Variants in ACCSL observed in about 807,000 individuals in gnomAD.
The protein encoded by ACCSL is 1-aminocyclopropane-1-carboxylate synthase homolog (inactive) like, also known as probable inactive 1-aminocyclopropane-1-carboxylate synthase-like protein 2.
In ACCSL, 55 loss-of-function variants were observed where a neutral mutation model predicts 61.7. The ratio of observed to expected loss-of-function variants is 0.89; its 90% CI spans 0.72 to 1.12. The LOEUF (loss-of-function observed/expected upper bound fraction) is 1.12. Ranked by LOEUF, ACCSL falls within the 50% of genes most tolerant of loss-of-function variation. The pLI is 0.00. For missense variants in ACCSL, 632 were observed against 698.0 expected (o/e 0.91, Z 1.07); for synonymous variants, 258 against 264.3 (o/e 0.98, Z 0.23).
At chr11:43,934,670 G>A in the ACCSL span, among the ~76,000 whole-genome samples, 51 of 152,248 alleles carry the variant, frequency 3.3e-4, no homozygotes, top group African/African-American at 7.0e-4. Flanking sequence ...AGCTGGCACC[G>A]GGTCTGAGCT....
At chr11:43,973,164 T>G in the ACCSL span, among the ~76,000 whole-genome samples, 1 of 152,196 alleles carries the variant, frequency 6.6e-6, no homozygotes, top group Non-Finnish European at 1.5e-5. Context: ...AACAATGTTT[T>G]AGAGGAAAGA....
the ACCSL span, among the ~76,000 whole-genome samples, chr11:44,033,012 TC>T: frequency 6.6e-6 from 1 of 152,212 alleles, no homozygotes; most frequent in Non-Finnish European, 1.5e-5. Flanking sequence ...TGTATCAGCC[TC>T]AGTCTCAGAA....
At chr11:44,031,605 A>G in the ACCSL span, among the ~76,000 whole-genome samples, 6 of 152,092 alleles carry the variant, frequency 3.9e-5, no homozygotes, top group Non-Finnish European at 7.4e-5. Flanking sequence ...GGGCCTTCAG[A>G]CTGTGTGACC....
At chr11:44,049,293 A>G (rs1230702172) in intron 1 of ACCSL, among the ~76,000 whole-genome samples, 1 of 151,932 alleles carries the variant, frequency 6.6e-6, no homozygotes, top group African/African-American at 2.4e-5. Flanking sequence ...GGTGGCACAC[A>G]CCTATAGTCC....
the ACCSL span, among the ~76,000 whole-genome samples, chr11:43,929,455 TG>T: frequency 6.6e-6 from 1 of 152,096 alleles, no homozygotes; most frequent in East Asian, 1.9e-4. Flanking sequence ...TTGCCCAGAC[TG>T]GAGTGAAGTG....
the ACCSL span, among the ~76,000 whole-genome samples, chr11:44,013,127 G>T: frequency 6.6e-6 from 1 of 152,128 alleles, no homozygotes; most frequent in African/African-American, 2.4e-5. Flanking sequence ...GTCTATATAT[G>T]CATATAAAGA....
the ACCSL span, among the ~76,000 whole-genome samples, chr11:43,983,437 C>T: frequency 2.0e-5 from 3 of 152,272 alleles, no homozygotes; most frequent in African/African-American, 7.2e-5. Context: ...CATGAATGCA[C>T]TTTCTAAGGA....
the ACCSL span, among the ~76,000 whole-genome samples, chr11:43,983,714 A>T: frequency 7.0e-6 from 1 of 141,856 alleles, no homozygotes; most frequent in African/African-American, 2.6e-5. Flanking sequence ...CAGCTCCTCA[A>T]ACCACTGCCT....
upstream of ACCSL, among the ~76,000 whole-genome samples, chr11:44,046,193 T>C (rs918309786): frequency 2.0e-5 from 3 of 152,210 alleles, no homozygotes; most frequent in Non-Finnish European, 4.4e-5. Context: ...GAAGAGACGG[T>C]TTCTCTAGGC....
At chr11:43,924,699 G>T in the ACCSL span, among the ~76,000 whole-genome samples, 1 of 152,228 alleles carries the variant, frequency 6.6e-6, no homozygotes, top group African/African-American at 2.4e-5. Flanking sequence ...GGTCATCGCT[G>T]CCTGAGTCTG....
the ACCSL span, among the ~76,000 whole-genome samples, chr11:44,005,264 CG>C: frequency 2.0e-5 from 3 of 152,146 alleles, no homozygotes; most frequent in Non-Finnish European, 4.4e-5. Context: ...ACCCCCTCCC[CG>C]GATTGGCTGA....
chr11:43,982,375 A>G, the ACCSL span, among the ~76,000 whole-genome samples: 1,499 of 151,734 alleles, frequency 9.9e-3, 25 homozygotes, highest in African/African-American at 0.035. Flanking sequence ...TTACAGGCAC[A>G]TACCCCCATG....
the ACCSL span, among the ~76,000 whole-genome samples, chr11:44,014,181 T>G: frequency 6.6e-6 from 1 of 152,228 alleles, no homozygotes; most frequent in Non-Finnish European, 1.5e-5. Context: ...CCACAAATGC[T>G]TACTTCACTT....
chr11:43,934,707 C>A, the ACCSL span, among the ~76,000 whole-genome samples: 1 of 152,134 alleles, frequency 6.6e-6, no homozygotes, highest in South Asian at 2.1e-4. Context: ...TGGGAAGGGG[C>A]CTGACCTTCC....
the ACCSL span, among the ~76,000 whole-genome samples, chr11:43,948,708 A>G: frequency 6.6e-6 from 1 of 152,074 alleles, no homozygotes; most frequent in African/African-American, 2.4e-5. Flanking sequence ...TCCTGGGCTC[A>G]AGCAACCCTC....
chr11:44,055,257 T>G lies in ACCSL; in HGVS notation c.1105T>G (p.Ser369Ala). ...TTACATGCTGTCTGTGTTTGATGAA[T>G]CCATCACATTCCACAGCATTCTGAG... ...EIYMLSVFDE[S>A]ITFHSILSMK... The change falls in exon 9 of 14, where the codon TCC becomes GCC. Residue 369 changes from serine to alanine, a missense_variant. Transcript: ENST00000378832. The G allele has an allele frequency of 6.2e-7, 1 of 1,612,978 alleles. No individual in the cohort carries two copies. Among genetic ancestry groups the G allele is most frequent in the Non-Finnish European group, 8.5e-7 (1 of 1,179,140 alleles).
chr11:44,001,320 A>G, the ACCSL span, among the ~76,000 whole-genome samples: 1 of 151,802 alleles, frequency 6.6e-6, no homozygotes, highest in African/African-American at 2.4e-5. Context: ...TTCAGGAGCA[A>G]AGCAAGCTGC....
chr11:43,985,368 A>T, the ACCSL span, among the ~76,000 whole-genome samples: 1 of 152,252 alleles, frequency 6.6e-6, no homozygotes, highest in South Asian at 2.1e-4. Flanking sequence ...GACCAAAGAG[A>T]GAGATGGGAG....
Position 44,051,706 on chromosome 11 carries a change from G to C in ACCSL, c.759G>C (p.Leu253=). The C allele has an allele frequency of 1.2e-6, 2 of 1,614,142 alleles. No individual in the cohort carries two copies. The highest frequency in any genetic ancestry group is 1.3e-5 in the African/African-American group (1 of 75,052). ...CSVFCALAMV[L]CDPGEAFLVP... is the part of the protein sequence containing the mutation. ...TCTTCTGTGCCCTGGCCATGGTTCT[G>C]TGTGATCCAGGCGGTAAGTCAGTGG... Residue 253 remains leucine, a synonymous_variant, in exon 5 of 14, where the codon CTG becomes CTC. Coordinates refer to ENST00000378832, the MANE Select transcript of ACCSL (RefSeq NM_001031854.2).
Sources: allele counts gnomAD v4.1 joint callset (sites outside exome capture counted in the v4.1 genomes callset), GRCh38; gene constraint gnomAD v4.1.1; transcripts MANE v1.5; gene names NCBI Gene and HGNC (gene_info 2026-07-23, HGNC 2026-07-21).